Variants in LARP1B observed in about 807,000 individuals in gnomAD.
LARP1B encodes La ribonucleoprotein 1B.
LARP1B carries 76 observed loss-of-function variants against 114.2 expected under a neutral mutation model. The observed-to-expected ratio is 0.67, with a 90% CI of 0.55 to 0.81. The LOEUF (loss-of-function observed/expected upper bound fraction) is 0.81, where lower values mean the gene tolerates loss of function less well. Among genes scored for constraint, LARP1B ranks in the 30% least tolerant of loss-of-function variants. The pLI, the probability that LARP1B is intolerant of heterozygous loss-of-function variation, is 0.00. For synonymous variants in LARP1B, 345 were observed against 348.0 expected (o/e 0.99, Z 0.10); for missense variants, 1,014 against 1,075.8 (o/e 0.94, Z 0.80).
Position 128,209,920 on chromosome 4 carries a change from G to C in LARP1B, c.2612G>C (p.Arg871Pro). 1 of 1,613,768 alleles carries C rather than the reference G, an allele frequency of 6.2e-7. No homozygotes were observed. Among genetic ancestry groups the C allele is most frequent in the African/African-American group, 1.3e-5 (1 of 74,956 alleles). ...TCTACTTCTGGTGAGGAGAGTAATC[G>C]TCATAGACTTCCACCTAATTCCTCT... ...HSSTSGEESN[R>P]HRLPPNSSTK... Residue 871 changes from arginine to proline, a missense_variant, in exon 20 of 20, where the codon CGT (arginine) becomes CCT (proline). Transcript: ENST00000326639.
Position 128,137,634 on chromosome 4 carries a change from T to G in LARP1B, c.1524+15446T>G, listed in dbSNP as rs569967614. ...GGGATACATGTGATATTTTGATACA[T>G]GCATACAATGTGTAATGATCAAATT... is the stretch of plus-strand genomic sequence containing the variant. On this transcript the variant is annotated intron_variant, in intron 11 of 19. Transcript: ENST00000326639. Among the ~76,000 whole-genome samples the G allele has an allele frequency of 2.6e-5, 4 of 152,114 alleles. No individual in the cohort carries two copies. The East Asian group carries it at 7.7e-4, about 29-fold the overall frequency.
At chr4:128,067,751 G>A (rs897143910) in intron 1 of LARP1B, among the ~76,000 whole-genome samples, 2 of 149,644 alleles carry the variant, frequency 1.3e-5, no homozygotes, top group Admixed American at 6.7e-5. Flanking sequence ...CCTTGCTCTC[G>A]TCGCTCAAGC....
In LARP1B at chr4:128,210,947, C is replaced by T. The variant is rs1484417309; in HGVS notation, c.*894C>T. Reference sequence around the variant, plus strand: ...TGCAAGTGGGTATGTCATAAGGAGTCAGATTATCTTTAATTTAAAATGAAT... The same window carrying T: ...TGCAAGTGGGTATGTCATAAGGAGTTAGATTATCTTTAATTTAAAATGAAT... On this transcript the variant is annotated 3_prime_UTR_variant, in exon 20 of 20. Coordinates refer to ENST00000326639, the MANE Select transcript of LARP1B (RefSeq NM_018078.4). The T allele has an allele frequency of 1.1e-6, 1 of 941,754 alleles. No homozygotes were observed. The highest frequency in any genetic ancestry group is 1.8e-5 in the African/African-American group (1 of 56,336). 58.3% of individuals were successfully genotyped at this position (941,754 alleles called of 1,614,324 possible). A position where few individuals can be genotyped will look rare whatever the true frequency, so the allele number is the denominator to read the frequency against.
chr4:128,155,829 GC>G, intron 11 of LARP1B: 3 of 1,580,050 alleles, frequency 1.9e-6, no homozygotes. Context: ...AATCAGGGCT[GC>G]AGCGAGAGAT....
intron 15 of LARP1B, among the ~76,000 whole-genome samples, chr4:128,187,016 A>G (rs1173937276): frequency 1.3e-5 from 2 of 152,188 alleles, no homozygotes; most frequent in African/African-American, 4.8e-5. Flanking sequence ...CTCTGCCTAT[A>G]TTTCAGAGGA....
At chr4:128,190,719 G>A (rs1205112344) in intron 15 of LARP1B, among the ~76,000 whole-genome samples, 1 of 152,162 alleles carries the variant, frequency 6.6e-6, no homozygotes, top group Non-Finnish European at 1.5e-5. Flanking sequence ...CCCCAGCCAT[G>A]TGGAACTGAG....
intron 15 of LARP1B, among the ~76,000 whole-genome samples, chr4:128,196,599 G>GT (rs943284890): frequency 8.7e-4 from 126 of 144,028 alleles, no homozygotes; most frequent in East Asian, 1.0e-3. Context: ...TTTGTTTTCT[G>GT]TTTTTTTTTT....
chr4:128,070,899 A>G (rs1765032391), intron 1 of LARP1B, among the ~76,000 whole-genome samples: 1 of 151,966 alleles, frequency 6.6e-6, no homozygotes, highest in South Asian at 2.1e-4. Flanking sequence ...TTTTGTATCT[A>G]GAAGAAACTG....
At chr4:128,176,152 TATATATAAATATATATATTATATATAA>T (rs1187038927) in intron 12 of LARP1B, among the ~76,000 whole-genome samples, 3 of 130,894 alleles carry the variant, frequency 2.3e-5, no homozygotes, top group African/African-American at 8.5e-5. Flanking sequence ...ATTTATATTA[TATATATAAATATATATATTATATATAA>T]ATATATAAAT....
intron 8 of LARP1B, among the ~76,000 whole-genome samples, chr4:128,100,745 C>A (rs1780024983): frequency 6.6e-6 from 1 of 150,508 alleles, no homozygotes; most frequent in East Asian, 1.9e-4. Context: ...GGATACAAGT[C>A]CATTATGTAT....
At chr4:128,209,533 C>A (rs1034019318) in intron 19 of LARP1B, among the ~76,000 whole-genome samples, 1 of 152,026 alleles carries the variant, frequency 6.6e-6, no homozygotes, top group African/African-American at 2.4e-5. Context: ...AAAGAATGAG[C>A]AAATACTAGT....
chr4:128,062,592 C>CTTTTTTTTTTTTTT (rs10659836), intron 1 of LARP1B, among the ~76,000 whole-genome samples: 22 of 128,276 alleles, frequency 1.7e-4, no homozygotes, highest in African/African-American at 6.4e-4. Flanking sequence ...TTTTGGTAGA[C>CTTTTTTTTTTTTTT]TTTTTTTTTT....
intron 12 of LARP1B, among the ~76,000 whole-genome samples, chr4:128,166,970 C>CTATATATATATA (rs71593507): frequency 2.6e-5 from 2 of 77,806 alleles, no homozygotes; most frequent in South Asian, 5.3e-4. Context: ...CTCTCTCTCT[C>CTATATATATATA]TATATATATA....
chr4:128,070,192 C>T (rs1230079824), intron 1 of LARP1B, among the ~76,000 whole-genome samples: 1 of 151,976 alleles, frequency 6.6e-6, no homozygotes, highest in Non-Finnish European at 1.5e-5. Context: ...TGGTGGCAGG[C>T]ACCTGTAGTC....
intron 11 of LARP1B, among the ~76,000 whole-genome samples, chr4:128,137,790 TA>T (rs58958251): frequency 0.12 from 5,882 of 48,574 alleles, 148 homozygotes; most frequent in Admixed American, 0.22. Flanking sequence ...TATATATATA[TA>T]TTTTTTTTTT....
chr4:128,098,777 T>A (rs1405030358), intron 8 of LARP1B, among the ~76,000 whole-genome samples: 3,253 of 31,970 alleles, frequency 0.1, 128 homozygotes, highest in South Asian at 0.13. Context: ...ATTTTTTTTT[T>A]TTTTTTTTTT....
chr4:128,115,588 C>G (rs1206198279), intron 10 of LARP1B, among the ~76,000 whole-genome samples: 3 of 152,118 alleles, frequency 2.0e-5, no homozygotes, highest in Non-Finnish European at 4.4e-5. Context: ...AGAATTTTGT[C>G]TTGGTTTTTC....
Position 128,126,198 on chromosome 4 carries a change from T to C in LARP1B, c.1524+4010T>C, listed in dbSNP as rs538135881. On this transcript the variant is annotated intron_variant, in intron 11 of 19. Coordinates refer to ENST00000326639, the MANE Select transcript of LARP1B (RefSeq NM_018078.4). ...GTGCAGTGGCACCATCTCAGCTCAC[T>C]GCAACCTCCGCCTCCCAGGTTCAAG... Among the ~76,000 whole-genome samples the C allele has an allele frequency of 1.1e-4, 16 of 148,530 alleles. No homozygotes were observed. In the South Asian group the frequency reaches 3.4e-3, roughly 32 times the overall value.
At chr4:128,178,370 A>T in intron 13 of LARP1B, 61 bp from the exon 14 acceptor site, 1 of 1,217,012 alleles carries the variant, frequency 8.2e-7, no homozygotes, top group Non-Finnish European at 1.2e-6. Flanking sequence ...AATTATCCTT[A>T]TTCTCAAAGT....
Sources: allele counts gnomAD v4.1 joint callset (sites outside exome capture counted in the v4.1 genomes callset), GRCh38; gene constraint gnomAD v4.1.1; transcripts MANE v1.5; gene names NCBI Gene and HGNC (gene_info 2026-07-23, HGNC 2026-07-21).